PRRX2: variants seen among roughly 807,000 people sequenced by gnomAD.
The protein encoded by PRRX2 is paired mesoderm homeobox protein 2.
A neutral mutation model predicts 18.0 loss-of-function variants in PRRX2; 11 were observed. The ratio of observed to expected loss-of-function variants is 0.61; its 90% CI spans 0.39 to 1.01. The LOEUF is 1.01. PRRX2 is among the 50% of genes least tolerant of loss of function. The pLI is 0.01. For missense variants in PRRX2, 387 were observed against 351.0 expected (o/e 1.10, Z -0.82); for synonymous variants, 177 against 154.8 (o/e 1.14, Z -1.06).
rs895210339 is a variant in PRRX2, at chr9:129,715,081, C to A, written c.260-4150C>A. Among the ~76,000 whole-genome samples, 2 of 152,088 alleles carry A rather than the reference C, an allele frequency of 1.3e-5. No individual in the cohort carries two copies. Among genetic ancestry groups the A allele is most frequent in the Non-Finnish European group, 2.9e-5 (2 of 68,022 alleles). On this transcript the variant is annotated intron_variant, in intron 1 of 3. Transcript: ENST00000372469. The surrounding 1 kb of genome is among the most constrained non-coding windows in gnomAD (Gnocchi z 4.0). Reference sequence around the variant, plus strand: ...TTGAGGAGTGAAGAGTGAAGCGGTCCCGGCAATGAGACCAGCTCCACAGGG... The same window carrying A: ...TTGAGGAGTGAAGAGTGAAGCGGTCACGGCAATGAGACCAGCTCCACAGGG...
At chr9:129,694,815 C>T (rs1258952011) in intron 1 of PRRX2, among the ~76,000 whole-genome samples, 2 of 152,080 alleles carry the variant, frequency 1.3e-5, no homozygotes, top group Non-Finnish European at 2.9e-5. Flanking sequence ...TGGGGGGCAG[C>T]GGAGGGAGCC....
At chr9:129,684,309 CTT>C (rs1325565137) in intron 1 of PRRX2, among the ~76,000 whole-genome samples, 1 of 152,064 alleles carries the variant, frequency 6.6e-6, no homozygotes, top group Admixed American at 6.6e-5. Context: ...CAGGGTGGGA[CTT>C]CAGGCACTGC....
intron 1 of PRRX2, among the ~76,000 whole-genome samples, chr9:129,705,496 A>C (rs1832546016): frequency 6.6e-6 from 1 of 152,068 alleles, no homozygotes; most frequent in Non-Finnish European, 1.5e-5. Flanking sequence ...CTGGGATTAC[A>C]GGCAGGTGCC....
intron 2 of PRRX2, among the ~76,000 whole-genome samples, chr9:129,720,093 G>C (rs191570482): frequency 7.2e-6 from 1 of 139,044 alleles, no homozygotes; most frequent in Non-Finnish European, 1.5e-5. Flanking sequence ...CCAGTTTCAA[G>C]TTCTTAACTC....
chr9:129,685,496 C>T (rs1832289917), intron 1 of PRRX2, among the ~76,000 whole-genome samples: 1 of 152,074 alleles, frequency 6.6e-6, no homozygotes, highest in Non-Finnish European at 1.5e-5. Flanking sequence ...TCCTGAGTAG[C>T]TGGGTGACAT....
chr9:129,719,360 A>C lies in PRRX2; in HGVS notation c.389A>C (p.Asp130Ala). The change falls in exon 2 of 4, where the codon GAC (aspartate) becomes GCC (alanine). Residue 130 changes from aspartate to alanine, a missense_variant. Coordinates refer to ENST00000372469, the MANE Select transcript of PRRX2 (RefSeq NM_016307.4). ...GTGTTCGAGCGCACGCACTACCCCG[A>C]CGCCTTTGTGCGCGAGGAGCTTGCC... The part of the protein sequence containing the change: ...ERVFERTHYP[D>A]AFVREELARR... 2 of 1,577,928 alleles carry C rather than the reference A, an allele frequency of 1.3e-6. No homozygotes were observed. The highest frequency in any genetic ancestry group is 1.7e-6 in the Non-Finnish European group (2 of 1,162,878).
intron 1 of PRRX2, chr9:129,713,311 A>G (rs1298681116): frequency 6.6e-6 from 1 of 152,288 alleles, no homozygotes; most frequent in African/African-American, 2.4e-5. Context: ...TTGAGCAATT[A>G]CTATGTCCTT....
intron 1 of PRRX2, among the ~76,000 whole-genome samples, chr9:129,701,816 T>C (rs1247416037): frequency 6.6e-6 from 1 of 152,158 alleles, no homozygotes; most frequent in Non-Finnish European, 1.5e-5. Context: ...CAAATGTCCT[T>C]AGGCCAGGCG....
rs770299541 is a variant in PRRX2 at position 129,709,766 on chromosome 9, G to A, written c.260-9465G>A. On this transcript the variant is annotated intron_variant, in intron 1 of 3. Transcript: ENST00000372469. The surrounding 1 kb of genome is among the most constrained non-coding windows in gnomAD (Gnocchi z 4.2). ...GGCAGGGCAGTGGCTGGTGGTGGCCGGCCTCCCCCAGCCTCTTCCTCACTC... is the reference window on the plus strand; with the variant it reads ...GGCAGGGCAGTGGCTGGTGGTGGCCAGCCTCCCCCAGCCTCTTCCTCACTC... Among the ~76,000 whole-genome samples the A allele has an allele frequency of 7.2e-5, 11 of 151,928 alleles. No individual in the cohort carries two copies. Among genetic ancestry groups the A allele is most frequent in the African/African-American group, 1.9e-4 (8 of 41,356 alleles).
rs1832807516 is a variant in PRRX2 at position 129,722,481 on chromosome 9, C to G, written c.*129C>G. 1.8e-6 allele frequency: 2 copies of G among 1,114,714 alleles called. No homozygotes were observed. The highest frequency in any genetic ancestry group is 1.6e-5 in the African/African-American group (1 of 61,900). 69.1% of individuals were successfully genotyped at this position (1,114,714 alleles called of 1,614,324 possible). ...CGTCTGTCCAGCCTGGACTCCCGAG[C>G]CCACGAGGCTGTTGAGGCCCCTGCA... On this transcript the variant is annotated 3_prime_UTR_variant, in exon 4 of 4. Transcript: ENST00000372469.
At chr9:129,688,627 T>A (rs989028547) in intron 1 of PRRX2, among the ~76,000 whole-genome samples, 2 of 152,150 alleles carry the variant, frequency 1.3e-5, no homozygotes, top group Non-Finnish European at 2.9e-5. Flanking sequence ...GGGTCCACAT[T>A]TCTGTCACTC....
intron 1 of PRRX2, among the ~76,000 whole-genome samples, chr9:129,713,435 G>A (rs1467125085): frequency 6.6e-6 from 1 of 152,140 alleles, no homozygotes. Flanking sequence ...GTGACGTGAG[G>A]CTGGAGGCCT....
chr9:129,679,968 T>C (rs1832206313), intron 1 of PRRX2, among the ~76,000 whole-genome samples: 1 of 152,164 alleles, frequency 6.6e-6, no homozygotes, highest in South Asian at 2.1e-4. Context: ...AAAGCACTCA[T>C]GTCTCTGAGC....
chr9:129,720,720 G>T lies in PRRX2; in HGVS notation c.572G>T (p.Arg191Leu). The change falls in exon 3 of 4, where the codon CGG becomes CTG. Residue 191 changes from arginine (R) to leucine (L), a missense_variant. Transcript: ENST00000372469. ...GCCATCGAGCAGCCCGTGGCTCCCC[G>T]GCCCACCGCCCTGAGTCCAGATTAT... The part of the protein sequence containing the change: ...EAAIEQPVAP[R>L]PTALSPDYLS... 6.2e-7 allele frequency: 1 copy of T among 1,612,370 alleles called. No individual in the cohort carries two copies.
chr9:129,721,137 A>C (rs111852120), intron 3 of PRRX2, among the ~76,000 whole-genome samples: 2 of 152,232 alleles, frequency 1.3e-5, no homozygotes, highest in African/African-American at 4.8e-5. Context: ...GCCTATCTGG[A>C]GGGGGAGCAA....
chr9:129,669,685 G>A (rs1245743720), intron 1 of PRRX2, among the ~76,000 whole-genome samples: 3 of 152,206 alleles, frequency 2.0e-5, no homozygotes, highest in Non-Finnish European at 2.9e-5. Context: ...AAGGCAGGGT[G>A]AGGTGGGAGC....
At position 129,709,843 on chromosome 9, in the gene PRRX2, CCCTG is replaced by C. The variant is rs549393553; in HGVS notation, c.260-9386_260-9383del. On this transcript the variant is annotated intron_variant, in intron 1 of 3. Coordinates refer to ENST00000372469, the MANE Select transcript of PRRX2 (RefSeq NM_016307.4). The surrounding 1 kb of genome is among the most constrained non-coding windows in gnomAD (Gnocchi z 4.2). ...ATGGCTCCAGGGGAGGAACCTAGAC[CCCTG>C]CACAGGAGGGCGGGCTCTGCAGGCT... Among the ~76,000 whole-genome samples, 508 of 152,190 alleles carry C rather than the reference CCCTG, an allele frequency of 3.3e-3. 8 individuals carry two copies. The highest frequency in any genetic ancestry group is 0.022 in the Admixed American group (331 of 15,288).
intron 1 of PRRX2, among the ~76,000 whole-genome samples, chr9:129,673,652 CCACA>C (rs3054761): frequency 0.54 from 79,988 of 149,134 alleles, 21,532 homozygotes; most frequent in Non-Finnish European, 0.58. Flanking sequence ...ACCCCCCATG[CCACA>C]CACACACACA....
intron 1 of PRRX2, among the ~76,000 whole-genome samples, chr9:129,718,048 A>C (rs1832735852): frequency 6.6e-6 from 1 of 151,996 alleles, no homozygotes; most frequent in Admixed American, 6.6e-5. Flanking sequence ...TAAATGTGGA[A>C]ATAGTAGCTG....
Sources: allele counts gnomAD v4.1 joint callset (sites outside exome capture counted in the v4.1 genomes callset), GRCh38; gene constraint gnomAD v4.1.1; non-coding constraint Gnocchi (gnomAD v3.1); transcripts MANE v1.5; gene names NCBI Gene and HGNC (gene_info 2026-07-23, HGNC 2026-07-21).